The following GRXCR1 variants were observed in gnomAD, a reference collection of about 807,000 sequenced individuals.
The protein encoded by GRXCR1 is glutaredoxin domain-containing cysteine-rich protein 1.
Under a neutral mutation model 27.3 loss-of-function variants are expected in GRXCR1, and 27 were observed. That is an observed-to-expected ratio of 0.99 (90% CI 0.73 to 1.37). GRXCR1 has a LOEUF of 1.37. Ranked by LOEUF, GRXCR1 falls within the 40% of genes most tolerant of loss-of-function variation. The pLI, the probability that GRXCR1 is intolerant of heterozygous loss-of-function variation, is 0.00. For synonymous variants in GRXCR1, 122 were observed against 131.1 expected (o/e 0.93, Z 0.47); for missense variants, 379 against 354.4 (o/e 1.07, Z -0.56).
intron 1 of GRXCR1, among the ~76,000 whole-genome samples, chr4:42,948,080 T>G (rs554856584): frequency 6.6e-6 from 1 of 152,276 alleles, no homozygotes; most frequent in African/African-American, 2.4e-5. Context: ...AGCTGAAAAA[T>G]TATCTAGATT....
intron 2 of GRXCR1, among the ~76,000 whole-genome samples, chr4:42,995,267 A>C (rs560434597): frequency 2.0e-5 from 3 of 152,290 alleles, no homozygotes; most frequent in African/African-American, 7.2e-5. Context: ...AGATGGGAGC[A>C]CTGAATTATA....
At chr4:42,933,939 G>A (rs538618789) in intron 1 of GRXCR1, among the ~76,000 whole-genome samples, 1 of 151,934 alleles carries the variant, frequency 6.6e-6, no homozygotes, top group African/African-American at 2.4e-5. Context: ...AGCAGGGCAC[G>A]CCACTCCACC....
At chr4:43,029,260 G>A (rs923894474) in intron 3 of GRXCR1, among the ~76,000 whole-genome samples, 2 of 152,124 alleles carry the variant, frequency 1.3e-5, no homozygotes, top group African/African-American at 4.8e-5. Flanking sequence ...TTTAATATGT[G>A]CAATTATAAA....
intron 1 of GRXCR1, among the ~76,000 whole-genome samples, chr4:42,954,237 T>C (rs1378280195): frequency 2.6e-5 from 4 of 152,096 alleles, no homozygotes; most frequent in South Asian, 2.1e-4. Context: ...GGGTTTCCCA[T>C]AGTGCGATGA....
chr4:42,941,027 A>G (rs1485950435), intron 1 of GRXCR1, among the ~76,000 whole-genome samples: 1 of 152,038 alleles, frequency 6.6e-6, no homozygotes, highest in Non-Finnish European at 1.5e-5. Flanking sequence ...AGAATAATAT[A>G]TATTCCTGTG....
intron 2 of GRXCR1, among the ~76,000 whole-genome samples, chr4:43,007,413 G>A (rs1712597232): frequency 6.6e-6 from 1 of 152,130 alleles, no homozygotes. Flanking sequence ...TGTAGATCAG[G>A]GAAAAGAGTT....
intron 1 of GRXCR1, among the ~76,000 whole-genome samples, chr4:42,958,841 A>G (rs1340342881): frequency 6.6e-6 from 1 of 151,976 alleles, no homozygotes; most frequent in Non-Finnish European, 1.5e-5. Context: ...TATGGAAACC[A>G]CAATGGGAAG....
intron 2 of GRXCR1, among the ~76,000 whole-genome samples, chr4:42,980,848 G>A (rs1264344226): frequency 6.6e-6 from 1 of 151,546 alleles, no homozygotes; most frequent in Non-Finnish European, 1.5e-5. Flanking sequence ...AATATTTTTT[G>A]GTTTCCATTT....
chr4:42,908,321 C>A lies in GRXCR1; in HGVS notation c.384+14671C>A, dbSNP rs369651046. Among the ~76,000 whole-genome samples, 65 of 152,260 alleles carry A rather than the reference C, an allele frequency of 4.3e-4. 2 individuals carry two copies. In the South Asian group the frequency reaches 9.7e-3, roughly 23 times the overall value. ...TTGTAACGGTCTGGTAGGGTAGATG[C>A]TGAGTTTCTACCAGGGCCGAGGTCA... On this transcript the variant is annotated intron_variant, in intron 1 of 3. Transcript: ENST00000399770.
At chr4:42,949,209 CAAAA>C in intron 1 of GRXCR1, among the ~76,000 whole-genome samples, 2 of 149,200 alleles carry the variant, frequency 1.3e-5, no homozygotes, top group African/African-American at 4.9e-5. Flanking sequence ...CACACACACA[CAAAA>C]AAAAAGCTGG....
chr4:42,893,719 C>G, intron 1 of GRXCR1, 69 bp downstream of exon 1: 2 of 1,458,872 alleles, frequency 1.4e-6, no homozygotes, highest in Non-Finnish European at 1.9e-6. Context: ...TCTCAGTTCT[C>G]CAGTTAAAGC....
chr4:43,022,147 A>G (rs1315351593), intron 3 of GRXCR1, among the ~76,000 whole-genome samples: 2 of 152,172 alleles, frequency 1.3e-5, no homozygotes, highest in African/African-American at 2.4e-5. Context: ...GTTTATGTGT[A>G]TTATTCTCTG....
chr4:42,963,229 A>T (rs967783740), intron 2 of GRXCR1, 95 bp downstream of exon 2: 2 of 1,437,128 alleles, frequency 1.4e-6, no homozygotes, highest in Non-Finnish European at 2.0e-6. Flanking sequence ...TAACTACTGG[A>T]ACACTTGCTG....
chr4:42,960,542 T>C (rs1748107878), intron 1 of GRXCR1, among the ~76,000 whole-genome samples: 1 of 151,952 alleles, frequency 6.6e-6, no homozygotes, highest in Admixed American at 6.6e-5. Flanking sequence ...TTCCACTGAC[T>C]TATATTTGTT....
At chr4:42,919,255 C>T (rs1333274357) in intron 1 of GRXCR1, among the ~76,000 whole-genome samples, 2 of 152,096 alleles carry the variant, frequency 1.3e-5, no homozygotes, top group Admixed American at 6.6e-5. Context: ...ACTGTCTCTA[C>T]TCGTCTTTAT....
intron 2 of GRXCR1, among the ~76,000 whole-genome samples, chr4:43,001,494 A>T (rs754522056): frequency 6.6e-6 from 1 of 152,104 alleles, no homozygotes; most frequent in Non-Finnish European, 1.5e-5. Flanking sequence ...CTGAGGAAGG[A>T]TTTCTAAATT....
intron 2 of GRXCR1, among the ~76,000 whole-genome samples, chr4:42,984,157 G>A (rs1711600964): frequency 6.6e-6 from 1 of 151,966 alleles, no homozygotes; most frequent in Admixed American, 6.6e-5. Context: ...TTTTAAGCTT[G>A]CTCTATTCTG....
intron 2 of GRXCR1, among the ~76,000 whole-genome samples, chr4:42,976,507 G>A (rs1748524772): frequency 6.6e-6 from 1 of 151,790 alleles, no homozygotes; most frequent in Non-Finnish European, 1.5e-5. Context: ...CAAGAGTATA[G>A]GTCAGTAAAT....
At chr4:42,990,840 T>C (rs1711949530) in intron 2 of GRXCR1, among the ~76,000 whole-genome samples, 1 of 152,138 alleles carries the variant, frequency 6.6e-6, no homozygotes, top group Non-Finnish European at 1.5e-5. Context: ...CATATATATA[T>C]GCATATATGC....
Sources: allele counts gnomAD v4.1 joint callset (sites outside exome capture counted in the v4.1 genomes callset), GRCh38; gene constraint gnomAD v4.1.1; transcripts MANE v1.5; gene names NCBI Gene and HGNC (gene_info 2026-07-23, HGNC 2026-07-21).